Variants in BTBD9 observed in about 807,000 individuals in gnomAD.
BTBD9 encodes BTB/POZ domain-containing protein 9.
A neutral mutation model predicts 64.3 loss-of-function variants in BTBD9; 49 were observed. The ratio of observed to expected loss-of-function variants is 0.76; its 90% CI spans 0.61 to 0.97. The LOEUF (loss-of-function observed/expected upper bound fraction) is 0.97, where lower values mean the gene tolerates loss of function less well. Among genes scored for constraint, BTBD9 ranks in the 50% least tolerant of loss-of-function variants. The pLI, the probability that BTBD9 is intolerant of heterozygous loss-of-function variation, is 0.00. For missense variants in BTBD9, 598 were observed against 762.1 expected (o/e 0.78, Z 2.53); for synonymous variants, 260 against 274.7 (o/e 0.95, Z 0.53).
chr6:38,192,545 C>G lies in BTBD9; in HGVS notation c.1615G>C (p.Val539Leu). Residue 539 changes from valine to leucine, a missense_variant, in exon 10 of 11, where the codon GTT (valine) becomes CTT (leucine). Physicochemically the swap from Val to Leu is conservative, Grantham distance 32 (BLOSUM62 1). Transcript: ENST00000481247. ...TCATTTGCTGTGTTGTGTGTCCCAA[C>G]GATACGGATGAAGGAGGCAGGCTGC... ...ERQPASFIRI[V>L]GTHNTANEVF... 6.2e-7 allele frequency: 1 copy of G among 1,613,894 alleles called. No homozygotes were observed. Among genetic ancestry groups the G allele is most frequent in the Non-Finnish European group, 8.5e-7 (1 of 1,179,924 alleles).
chr6:38,428,522 C>T (rs934257236), intron 6 of BTBD9, among the ~76,000 whole-genome samples: 1 of 150,988 alleles, frequency 6.6e-6, no homozygotes, highest in Non-Finnish European at 1.5e-5. Flanking sequence ...TTTTTTGGCA[C>T]ACTCTATAAG....
At chr6:38,511,988 T>A (rs1772795777) in intron 6 of BTBD9, among the ~76,000 whole-genome samples, 1 of 152,116 alleles carries the variant, frequency 6.6e-6, no homozygotes, top group Non-Finnish European at 1.5e-5. Context: ...TCCCCCTTTT[T>A]TTGAGACGGA....
chr6:38,299,191 A>C (rs957477435), intron 7 of BTBD9, among the ~76,000 whole-genome samples: 3 of 152,098 alleles, frequency 2.0e-5, no homozygotes, highest in African/African-American at 4.8e-5. Flanking sequence ...TGAACTCATC[A>C]TTTTTTATGG....
At chr6:38,402,301 C>T (rs1461008191) in intron 6 of BTBD9, among the ~76,000 whole-genome samples, 1 of 151,872 alleles carries the variant, frequency 6.6e-6, no homozygotes, top group Non-Finnish European at 1.5e-5. Context: ...CAATCCTTTT[C>T]AAAATCCCAA....
chr6:38,230,537 T>A (rs971181920), intron 9 of BTBD9, among the ~76,000 whole-genome samples: 4 of 137,564 alleles, frequency 2.9e-5, no homozygotes, highest in African/African-American at 1.0e-4. Flanking sequence ...AAGTTCTTAC[T>A]ACTCCCTTGC....
At chr6:38,357,911 G>GT (rs1025430353) in intron 6 of BTBD9, among the ~76,000 whole-genome samples, 1 of 152,092 alleles carries the variant, frequency 6.6e-6, no homozygotes, top group Non-Finnish European at 1.5e-5. Flanking sequence ...TTCTGAACTT[G>GT]TTTTTTCACT....
intron 6 of BTBD9, among the ~76,000 whole-genome samples, chr6:38,446,944 A>G (rs1769303628): frequency 6.6e-6 from 1 of 152,242 alleles, no homozygotes; most frequent in Non-Finnish European, 1.5e-5. Flanking sequence ...AAATTCCTGT[A>G]CACATGGCTA....
chr6:38,253,558 A>G (rs1582117884), intron 9 of BTBD9, among the ~76,000 whole-genome samples: 1 of 152,220 alleles, frequency 6.6e-6, no homozygotes, highest in African/African-American at 2.4e-5. Flanking sequence ...CCTTTAACAG[A>G]GGGACATAAA....
chr6:38,323,155 A>G (rs1249931858), intron 7 of BTBD9, among the ~76,000 whole-genome samples: 4 of 152,210 alleles, frequency 2.6e-5, no homozygotes, highest in African/African-American at 7.2e-5. Flanking sequence ...CAGGTCTACA[A>G]TAACATTATG....
At chr6:38,502,108 G>A (rs1005545024) in intron 6 of BTBD9, among the ~76,000 whole-genome samples, 8 of 152,210 alleles carry the variant, frequency 5.3e-5, no homozygotes, top group African/African-American at 1.9e-4. Flanking sequence ...TAGAGATGCT[G>A]ATGCTGGACA....
At chr6:38,589,761 A>G (rs565397737) in intron 4 of BTBD9, among the ~76,000 whole-genome samples, 1 of 152,192 alleles carries the variant, frequency 6.6e-6, no homozygotes. Flanking sequence ...ATCACAATTT[A>G]TATCCAAAAG....
At chr6:38,213,567 A>G (rs1377373352) in intron 9 of BTBD9, among the ~76,000 whole-genome samples, 3 of 152,218 alleles carry the variant, frequency 2.0e-5, no homozygotes, top group African/African-American at 7.2e-5. Flanking sequence ...GTCACATTCA[A>G]CACAAAGCAC....
intron 8 of BTBD9, among the ~76,000 whole-genome samples, chr6:38,272,154 G>C (rs550568900): frequency 5.3e-5 from 8 of 152,138 alleles, no homozygotes; most frequent in African/African-American, 1.9e-4. Context: ...GAAGTAGTAG[G>C]GTAGGGTGAA....
intron 5 of BTBD9, among the ~76,000 whole-genome samples, chr6:38,577,922 G>C (rs1776126219): frequency 6.6e-6 from 1 of 152,160 alleles, no homozygotes; most frequent in African/African-American, 2.4e-5. Flanking sequence ...TTGTCTGTCT[G>C]CTTTCTCAAA....
intron 7 of BTBD9, among the ~76,000 whole-genome samples, chr6:38,290,619 G>A (rs1036419310): frequency 4.6e-5 from 7 of 152,122 alleles, no homozygotes; most frequent in African/African-American, 1.4e-4. Flanking sequence ...CAGTGACAGA[G>A]GCTTCATACT....
intron 6 of BTBD9, among the ~76,000 whole-genome samples, chr6:38,443,634 GTC>G (rs948821855): frequency 2.6e-5 from 4 of 152,072 alleles, no homozygotes; most frequent in African/African-American, 4.8e-5. Context: ...CACTCTCTTT[GTC>G]TCTCTCTCTC....
intron 6 of BTBD9, among the ~76,000 whole-genome samples, chr6:38,452,668 T>C (rs1218420689): frequency 6.6e-6 from 1 of 151,982 alleles, no homozygotes; most frequent in Non-Finnish European, 1.5e-5. Context: ...GAATCAAAGC[T>C]GATTTAAATT....
chr6:38,479,041 CAGG>C (rs1360921221), intron 6 of BTBD9, among the ~76,000 whole-genome samples: 4 of 152,166 alleles, frequency 2.6e-5, no homozygotes, highest in African/African-American at 9.7e-5. Flanking sequence ...AAATAAGTCT[CAGG>C]AGTTCTCCAA....
intron 1 of BTBD9, among the ~76,000 whole-genome samples, chr6:38,610,420 C>T (rs945804867): frequency 1.3e-5 from 2 of 152,068 alleles, no homozygotes; most frequent in African/African-American, 4.8e-5. Context: ...AAAGATATTC[C>T]ATGCAGACAA....
Sources: gnomAD v4.1 joint callset for allele counts (sites outside exome capture counted in the v4.1 genomes callset) on GRCh38, gnomAD v4.1.1 for gene constraint, MANE v1.5 for transcripts, NCBI Gene and HGNC (gene_info 2026-07-23, HGNC 2026-07-21) for gene names.